DNM3: variants seen among roughly 807,000 people sequenced by gnomAD.
DNM3 encodes the protein dynamin 3.
In DNM3, 47 loss-of-function variants were observed where a neutral mutation model predicts 101.6. The observed-to-expected ratio is 0.46, with a 90% CI of 0.37 to 0.59. DNM3 has a LOEUF of 0.59. Among genes scored for constraint, DNM3 ranks in the 20% least tolerant of loss-of-function variants. The pLI is 0.00. For synonymous variants in DNM3, 385 were observed against 387.9 expected, an observed-to-expected ratio of 0.99 and a Z score of 0.09; for missense variants, 849 against 1,085.7, an observed-to-expected ratio of 0.78 and a Z score of 3.06.
At chr1:171,873,133 G>C (rs1182225735) in intron 1 of DNM3, among the ~76,000 whole-genome samples, 1 of 152,166 alleles carries the variant, frequency 6.6e-6, no homozygotes, top group Non-Finnish European at 1.5e-5. Context: ...ATAAGATAAA[G>C]AGATCTTGAA....
intron 14 of DNM3, among the ~76,000 whole-genome samples, chr1:172,233,269 C>T (rs1244889526): frequency 1.3e-5 from 2 of 152,160 alleles, no homozygotes; most frequent in African/African-American, 4.8e-5. Context: ...ACTCTCTACA[C>T]AAATAAACTA....
At chr1:172,115,094 A>G (rs1302706707) in intron 13 of DNM3, among the ~76,000 whole-genome samples, 1 of 152,224 alleles carries the variant, frequency 6.6e-6, no homozygotes, top group Non-Finnish European at 1.5e-5. Flanking sequence ...TGAAACATAC[A>G]GTCTTTTCAT....
chr1:172,417,263 A>G (rs2071462130), downstream of DNM3, among the ~76,000 whole-genome samples: 1 of 152,186 alleles, frequency 6.6e-6, no homozygotes, highest in African/African-American at 2.4e-5. Context: ...TGGTTTGGTT[A>G]GAAAGGGGAA....
chr1:172,042,666 A>G (rs1270888989), intron 8 of DNM3, among the ~76,000 whole-genome samples: 1 of 152,058 alleles, frequency 6.6e-6, no homozygotes, highest in African/African-American at 2.4e-5. Flanking sequence ...GATCTGGGGG[A>G]AAGGGGTTGT....
intron 15 of DNM3, among the ~76,000 whole-genome samples, chr1:172,269,391 A>G (rs1166200950): frequency 6.6e-6 from 1 of 152,160 alleles, no homozygotes; most frequent in African/African-American, 2.4e-5. Context: ...TTTGGAAACC[A>G]TAGAACAACC....
intron 10 of DNM3, among the ~76,000 whole-genome samples, chr1:172,057,727 C>G (rs1477764942): frequency 6.6e-6 from 1 of 151,778 alleles, no homozygotes; most frequent in Non-Finnish European, 1.5e-5. Context: ...CCGGTACCAG[C>G]CGCTGCAAAA....
intron 15 of DNM3, among the ~76,000 whole-genome samples, chr1:172,269,813 G>A (rs1475308336): frequency 6.6e-6 from 1 of 152,192 alleles, no homozygotes; most frequent in Non-Finnish European, 1.5e-5. Flanking sequence ...GAAGCCAGTA[G>A]TGAGACAGCA....
chr1:171,991,862 C>T (rs975461925), intron 4 of DNM3, among the ~76,000 whole-genome samples: 6 of 152,186 alleles, frequency 3.9e-5, no homozygotes, highest in South Asian at 2.1e-4. Flanking sequence ...ACTAAAAATG[C>T]GTACCGCAAT....
chr1:172,128,726 A>G (rs1034618485), intron 13 of DNM3, among the ~76,000 whole-genome samples: 26 of 152,224 alleles, frequency 1.7e-4, no homozygotes, highest in African/African-American at 5.8e-4. Flanking sequence ...ATATGTGGTT[A>G]GTGGCTACCG....
downstream of DNM3, among the ~76,000 whole-genome samples, chr1:172,417,280 G>T (rs1022696549): frequency 6.6e-6 from 1 of 152,148 alleles, no homozygotes; most frequent in African/African-American, 2.4e-5. Context: ...GGAAATTAAA[G>T]TGTAGACTTC....
intron 15 of DNM3, among the ~76,000 whole-genome samples, chr1:172,290,388 A>G (rs529473933): frequency 6.6e-6 from 1 of 152,302 alleles, no homozygotes; most frequent in Non-Finnish European, 1.5e-5. Context: ...ATTTCCAGCA[A>G]AAGGATTGGC....
At chr1:171,918,369 A>G (rs1289577929) in intron 1 of DNM3, among the ~76,000 whole-genome samples, 1 of 152,228 alleles carries the variant, frequency 6.6e-6, no homozygotes, top group Non-Finnish European at 1.5e-5. Flanking sequence ...TGGTAGAGCT[A>G]ATATTCAAAG....
At chr1:171,969,082 TG>T (rs2043803865) in intron 2 of DNM3, among the ~76,000 whole-genome samples, 1 of 152,198 alleles carries the variant, frequency 6.6e-6, no homozygotes, top group Non-Finnish European at 1.5e-5. Flanking sequence ...ACATGCTTTC[TG>T]GGCACTTGTC....
rs1176174810 is a variant in DNM3 at position 171,841,561 on chromosome 1, C to T, written c.-96C>T. 8 of 1,473,252 alleles carry T rather than the reference C, an allele frequency of 5.4e-6. No individual in the cohort carries two copies. Among genetic ancestry groups the T allele is most frequent in the Non-Finnish European group, 6.3e-6 (7 of 1,110,908 alleles). 91.3% of individuals were successfully genotyped at this position (1,473,252 alleles called of 1,614,324 possible). A position where few individuals can be genotyped will look rare whatever the true frequency, so the allele number is the denominator to read the frequency against. On this transcript the variant is annotated 5_prime_UTR_variant, in exon 1 of 21. Coordinates refer to ENST00000627582, the MANE Select transcript of DNM3 (RefSeq NM_015569.5). ...GCGCCAGGACCTGGCTGGCTGAGCC[C>T]GGCGCAGCAGCAGCAGCCAGGGCAG...
intron 14 of DNM3, among the ~76,000 whole-genome samples, chr1:172,236,239 A>T (rs939418989): frequency 6.6e-6 from 1 of 152,136 alleles, no homozygotes; most frequent in Non-Finnish European, 1.5e-5. Flanking sequence ...CCATAGCTCC[A>T]CAGAGCAGCT....
chr1:172,124,920 A>G (rs2056537504), intron 13 of DNM3, among the ~76,000 whole-genome samples: 1 of 152,196 alleles, frequency 6.6e-6, no homozygotes, highest in South Asian at 2.1e-4. Context: ...TGTCTCAGGC[A>G]TGCCTTAGAA....
intron 10 of DNM3, among the ~76,000 whole-genome samples, chr1:172,056,924 G>A (rs2050684647): frequency 6.6e-6 from 1 of 151,958 alleles, no homozygotes; most frequent in African/African-American, 2.4e-5. Context: ...CAAACCAAAG[G>A]CAAAGAAGTT....
intron 2 of DNM3, among the ~76,000 whole-genome samples, chr1:171,928,487 T>C (rs186219807): frequency 3.0e-4 from 46 of 152,014 alleles, no homozygotes; most frequent in African/African-American, 1.1e-3. Context: ...CAGCCCAGGG[T>C]GGAGGGTCTG....
chr1:171,988,538 A>G (rs966061027), intron 3 of DNM3, among the ~76,000 whole-genome samples: 5 of 152,012 alleles, frequency 3.3e-5, no homozygotes, highest in Admixed American at 1.3e-4. Flanking sequence ...TTTCTATTAA[A>G]AAAAAAAAAT....
Sources: gnomAD v4.1 joint callset for allele counts (sites outside exome capture counted in the v4.1 genomes callset) on GRCh38, gnomAD v4.1.1 for gene constraint, MANE v1.5 for transcripts, NCBI Gene and HGNC (gene_info 2026-07-23, HGNC 2026-07-21) for gene names.